Variants in SHLD2 observed in about 807,000 individuals in gnomAD.
The protein encoded by SHLD2 is shieldin complex subunit 2, also known as RINN1-REV7-interacting novel NHEJ regulator 2.
A neutral mutation model predicts 73.2 loss-of-function variants in SHLD2; 30 were observed. The ratio of observed to expected loss-of-function variants is 0.41; its 90% CI spans 0.31 to 0.56. SHLD2 has a LOEUF of 0.56. Ranked by LOEUF, SHLD2 falls within the 20% of genes least tolerant of loss-of-function variation. The probability of loss-of-function intolerance (pLI) is 0.28; values close to 1 mark genes in which losing one functional copy is unlikely to be tolerated. For missense variants in SHLD2, 745 were observed against 1,055.9 expected (o/e 0.71, Z 4.08); for synonymous variants, 285 against 370.1 (o/e 0.77, Z 2.64).
chr10:87,094,591 C>G (rs1247716286), upstream of SHLD2: 1 of 1,611,234 alleles, frequency 6.2e-7, no homozygotes, highest in South Asian at 1.1e-5. The surrounding 1 kb of genome is among the most constrained non-coding windows in gnomAD (Gnocchi z 6.6). Flanking sequence ...GTCGTCCTCG[C>G]GGTCGGCCAC....
At chr10:87,121,650 G>T (rs1172584405) in intron 2 of SHLD2, among the ~76,000 whole-genome samples, 1 of 151,926 alleles carries the variant, frequency 6.6e-6, no homozygotes. Flanking sequence ...CTCAAAGCCC[G>T]TTAAGAGCAG....
At chr10:87,184,294 A>G (rs1366464676) in intron 8 of SHLD2, among the ~76,000 whole-genome samples, 1 of 151,968 alleles carries the variant, frequency 6.6e-6, no homozygotes, top group Non-Finnish European at 1.5e-5. Flanking sequence ...CACTGCTAAC[A>G]TCTTAGTCCA....
intron 2 of SHLD2, among the ~76,000 whole-genome samples, chr10:87,105,902 T>C (rs1842564598): frequency 6.6e-6 from 1 of 152,210 alleles, no homozygotes; most frequent in South Asian, 2.1e-4. Context: ...GCCCTGGCTG[T>C]AAGGGAGGCT....
chr10:87,168,598 C>CAAA (rs201841005), intron 4 of SHLD2, among the ~76,000 whole-genome samples: 2 of 140,440 alleles, frequency 1.4e-5, no homozygotes, highest in South Asian at 2.5e-4. Flanking sequence ...CACCTTGTCT[C>CAAA]AAAAAAAATA....
At chr10:87,159,323 T>C (rs2134407077) in intron 4 of SHLD2, among the ~76,000 whole-genome samples, 2 of 152,288 alleles carry the variant, frequency 1.3e-5, no homozygotes, top group African/African-American at 4.8e-5. Context: ...ACATATTTCA[T>C]AGACAACTAA....
chr10:87,107,965 C>A (rs1360960664), intron 2 of SHLD2, among the ~76,000 whole-genome samples: 1 of 151,974 alleles, frequency 6.6e-6, no homozygotes, highest in Non-Finnish European at 1.5e-5. Context: ...CTCATGGCAA[C>A]CTCTGCTTCC....
At chr10:87,112,197 C>G (rs543436420) in intron 2 of SHLD2, among the ~76,000 whole-genome samples, 98 of 151,108 alleles carry the variant, frequency 6.5e-4, no homozygotes, top group African/African-American at 2.3e-3. Flanking sequence ...GAGATTGCAC[C>G]ACTGCACTCC....
chr10:87,134,432 G>T (rs1401777194), intron 2 of SHLD2, among the ~76,000 whole-genome samples: 4 of 152,112 alleles, frequency 2.6e-5, no homozygotes, highest in Non-Finnish European at 5.9e-5. Flanking sequence ...TTTTAAATCA[G>T]ATTTTTAATG....
intron 2 of SHLD2, among the ~76,000 whole-genome samples, chr10:87,099,156 T>G (rs141542461): frequency 2.0e-4 from 31 of 152,314 alleles, no homozygotes; most frequent in Non-Finnish European, 3.5e-4. Flanking sequence ...TCAATAGCAT[T>G]CCACAAAGTC....
intron 2 of SHLD2, among the ~76,000 whole-genome samples, chr10:87,143,119 C>T (rs960269218): frequency 6.6e-6 from 1 of 151,100 alleles, no homozygotes; most frequent in African/African-American, 2.4e-5. Flanking sequence ...TTTTTTGTAG[C>T]GACATAGTCT....
chr10:87,160,597 C>T (rs61858930), intron 4 of SHLD2, among the ~76,000 whole-genome samples: 16,401 of 151,970 alleles, frequency 0.11, 989 homozygotes, highest in Admixed American at 0.15. Context: ...GAAAAGCACT[C>T]GAGGCATTGT....
At chr10:87,095,769 G>A (rs142614614) in intron 1 of SHLD2, among the ~76,000 whole-genome samples, 238 of 152,302 alleles carry the variant, frequency 1.6e-3, no homozygotes, top group Middle Eastern at 0.01. Flanking sequence ...CTTCACCTTT[G>A]CAGACAGAGG....
chr10:87,179,379 A>G (rs963225291), intron 7 of SHLD2, among the ~76,000 whole-genome samples: 1 of 151,678 alleles, frequency 6.6e-6, no homozygotes, highest in African/African-American at 2.4e-5. Context: ...GGTAGAGAGA[A>G]GAAGAAAAGT....
At chr10:87,173,038 CTT>C (rs77853653) in intron 6 of SHLD2, among the ~76,000 whole-genome samples, 17 of 134,734 alleles carry the variant, frequency 1.3e-4, no homozygotes, top group Admixed American at 1.5e-4. Flanking sequence ...GCATAAGGCA[CTT>C]TTTTTTTTTT....
In SHLD2 at chr10:87,099,023, G is replaced by A. The variant is rs563585510; in HGVS notation, c.-6+2034G>A. On this transcript the variant is annotated intron_variant, in intron 2 of 9. Transcript: ENST00000298786. Reference sequence around the variant, plus strand: ...ACTCCTGGGCTCAAGCGATATGCCCGCCTCTGCCTCCCACAGTGCTGGGAT... The same window carrying A: ...ACTCCTGGGCTCAAGCGATATGCCCACCTCTGCCTCCCACAGTGCTGGGAT... 2.7e-3 allele frequency among the ~76,000 whole-genome samples: 406 copies of A among 152,290 alleles called. 1 individual carries two copies. The highest frequency in any genetic ancestry group is 8.2e-3 in the African/African-American group (342 of 41,556).
chr10:87,124,936 G>A (rs185953605), intron 2 of SHLD2, among the ~76,000 whole-genome samples: 1 of 151,912 alleles, frequency 6.6e-6, no homozygotes, highest in East Asian at 1.9e-4. Context: ...TAGAGACAGG[G>A]TCTCACTATG....
chr10:87,102,770 G>T lies in SHLD2; in HGVS notation c.-6+5781G>T, dbSNP rs140807924. Reference sequence around the variant, plus strand: ...TGAAGAGATACGGTTTCCCTATGTTGCCTAGGCTGGTCTCATGCGATTCTC... The same window carrying T: ...TGAAGAGATACGGTTTCCCTATGTTTCCTAGGCTGGTCTCATGCGATTCTC... On this transcript the variant is annotated intron_variant, in intron 2 of 9. Transcript: ENST00000298786. Among the ~76,000 whole-genome samples the T allele has an allele frequency of 4.5e-3, 679 of 152,206 alleles. 5 individuals are homozygous for T. The highest frequency in any genetic ancestry group is 0.015 in the African/African-American group (620 of 41,532).
chr10:87,127,541 C>CCCCCCCG (rs1554829077), intron 2 of SHLD2, among the ~76,000 whole-genome samples: 3 of 82,142 alleles, frequency 3.7e-5, no homozygotes, highest in Admixed American at 1.4e-4. Flanking sequence ...CCCCCCCCAC[C>CCCCCCCG]CCGTCTGCCA....
chr10:87,165,500 ATT>A (rs970473224), intron 4 of SHLD2, among the ~76,000 whole-genome samples: 2 of 152,224 alleles, frequency 1.3e-5, no homozygotes, highest in African/African-American at 2.4e-5. Flanking sequence ...GATCCACCAT[ATT>A]TTTTGTGGAA....
Sources: gnomAD v4.1 joint callset for allele counts (sites outside exome capture counted in the v4.1 genomes callset) on GRCh38, gnomAD v4.1.1 for gene constraint, Gnocchi (gnomAD v3.1) non-coding constraint, MANE v1.5 for transcripts, NCBI Gene and HGNC (gene_info 2026-07-23, HGNC 2026-07-21) for gene names.